The following PHACTR2 variants were observed in gnomAD, a reference collection of about 807,000 sequenced individuals.
PHACTR2 encodes phosphatase and actin regulator 2, also known as chromosome 6 open reading frame 56.
A neutral mutation model predicts 76.0 loss-of-function variants in PHACTR2; 30 were observed. The ratio of observed to expected loss-of-function variants is 0.39; its 90% confidence interval spans 0.30 to 0.54. The LOEUF (loss-of-function observed/expected upper bound fraction) is 0.54. Among genes scored for constraint, PHACTR2 ranks in the 20% least tolerant of loss-of-function variants. PHACTR2 has a pLI of 0.61. For synonymous variants in PHACTR2, 292 were observed against 292.5 expected, an observed-to-expected ratio of 1.00 and a Z score of 0.02; for missense variants, 696 against 781.1, an observed-to-expected ratio of 0.89 and a Z score of 1.30.
In PHACTR2 at chr6:143,698,111, T is replaced by C. The variant is rs1026898630; in HGVS notation, c.47-13905T>C. On this transcript the variant is annotated intron_variant, in intron 1 of 12. Transcript: ENST00000440869. The surrounding 1 kb of genome is among the most constrained non-coding windows in gnomAD (Gnocchi z 4.3). Reference sequence around the variant, plus strand: ...TTTCTTCAGACCAGTATTGAAAATCTAAATAAAAATTATATTAGAAAAGGA... The same window carrying C: ...TTTCTTCAGACCAGTATTGAAAATCCAAATAAAAATTATATTAGAAAAGGA... Among the ~76,000 whole-genome samples, 2 of 152,234 alleles carry C rather than the reference T, an allele frequency of 1.3e-5. No homozygotes were observed. Among genetic ancestry groups the C allele is most frequent in the African/African-American group, 4.8e-5 (2 of 41,454 alleles).
rs953475346 is a variant in PHACTR2, at chr6:143,595,813, A to G, written c.217+58606A>G. On this transcript the variant is annotated intron_variant, in intron 1 of 11. Coordinates refer to the PHACTR2 transcript ENST00000367584. The surrounding 1 kb of genome is among the most constrained non-coding windows in gnomAD (Gnocchi z 4.2). ...TTCTACTTAATTTAGCTTTCCAAAG[A>G]TAAACACACTGGTGAATCATTACAT... Among the ~76,000 whole-genome samples the G allele has an allele frequency of 6.6e-6, 1 of 152,256 alleles. No homozygotes were observed. Among genetic ancestry groups the G allele is most frequent in the African/African-American group, 2.4e-5 (1 of 41,470 alleles).
At chr6:143,724,441 C>T (rs976747572) in intron 2 of PHACTR2, among the ~76,000 whole-genome samples, 3 of 152,132 alleles carry the variant, frequency 2.0e-5, no homozygotes, top group African/African-American at 7.2e-5. Flanking sequence ...CTAATTCTTT[C>T]ATTTTTTTCT....
chr6:143,720,701 G>A lies in PHACTR2; in HGVS notation c.214+8518G>A, dbSNP rs539737891. Among the ~76,000 whole-genome samples the A allele has an allele frequency of 1.1e-4, 16 of 152,200 alleles. No homozygotes were observed. In the Middle Eastern group the frequency reaches 0.014, roughly 129 times the overall value. On this transcript the variant is annotated intron_variant, in intron 2 of 12. Transcript: ENST00000440869. ...ATCATGGCTCACTGAAGGCTTGACC[G>A]CCTGGGCTCAAGCAATCCTCCCACC...
chr6:143,766,914 TG>T (rs1340581418), intron 6 of PHACTR2, among the ~76,000 whole-genome samples: 1 of 152,224 alleles, frequency 6.6e-6, no homozygotes, highest in Non-Finnish European at 1.5e-5. Context: ...TTAGAGCTCT[TG>T]CATCCTGGCT....
intron 2 of PHACTR2, among the ~76,000 whole-genome samples, chr6:143,740,508 T>TA (rs10638908): frequency 0.028 from 3,605 of 128,668 alleles, 74 homozygotes; most frequent in African/African-American, 0.058. Context: ...TCCTTTTAAT[T>TA]AAAAAAAAAA....
In PHACTR2 at chr6:143,622,837, A is replaced by G. The variant is rs575915678; in HGVS notation, c.13+14515A>G. On this transcript the variant is annotated intron_variant, in intron 1 of 11. Coordinates refer to the PHACTR2 transcript ENST00000305766. ...TAGAACATGTAATAATTACAGTAACAAGTGTATTGAATTTGATTATCTCAT... is the reference window on the plus strand; with the variant it reads ...TAGAACATGTAATAATTACAGTAACGAGTGTATTGAATTTGATTATCTCAT... Among the ~76,000 whole-genome samples, 121 of 152,320 alleles carry G rather than the reference A, an allele frequency of 7.9e-4. 1 individual carries two copies. Among genetic ancestry groups the G allele is most frequent in the Non-Finnish European group, 1.5e-3 (99 of 68,014 alleles).
intron 2 of PHACTR2, among the ~76,000 whole-genome samples, chr6:143,713,213 C>T (rs1460983434): frequency 1.3e-5 from 2 of 152,004 alleles, no homozygotes; most frequent in Admixed American, 1.3e-4. Context: ...CATCAAAGCT[C>T]CCCAAAAAAG....
At chr6:143,729,897 G>T (rs1778662911) in intron 2 of PHACTR2, among the ~76,000 whole-genome samples, 1 of 151,766 alleles carries the variant, frequency 6.6e-6, no homozygotes, top group African/African-American at 2.4e-5. Flanking sequence ...TCATGCTTTT[G>T]GTGTCATGTG....
chr6:143,712,651 A>G (rs1778204060), intron 2 of PHACTR2, among the ~76,000 whole-genome samples: 1 of 152,096 alleles, frequency 6.6e-6, no homozygotes, highest in Admixed American at 6.6e-5. Flanking sequence ...TCGTTAATTA[A>G]AACTTTTTTA....
intron 9 of PHACTR2, among the ~76,000 whole-genome samples, chr6:143,778,949 T>C (rs1337937871): frequency 3.3e-5 from 5 of 152,226 alleles, no homozygotes; most frequent in Non-Finnish European, 7.3e-5. Context: ...TTATATCCCA[T>C]TTTCCTGGAG....
chr6:143,810,267 C>T lies in PHACTR2; in HGVS notation c.1922+3134C>T, dbSNP rs969892797. Among the ~76,000 whole-genome samples, 7 of 152,220 alleles carry T rather than the reference C, an allele frequency of 4.6e-5. No individual in the cohort carries two copies. The South Asian group carries it at 1.5e-3, about 32-fold the overall frequency. ...CATTATTAAAACAATGTTGCCTTGA[C>T]TTTCTTTATGCATATATCTTTGTGC... On this transcript the variant is annotated intron_variant, in intron 12 of 12. Coordinates refer to ENST00000440869, the MANE Select transcript of PHACTR2 (RefSeq NM_001100164.2).
At chr6:143,681,836 G>A (rs574732422) in intron 1 of PHACTR2, among the ~76,000 whole-genome samples, 11 of 152,276 alleles carry the variant, frequency 7.2e-5, no homozygotes, top group Non-Finnish European at 1.2e-4. Context: ...TGAAATGACC[G>A]TTCTTTCCCC....
rs114760770 is a variant in PHACTR2 at position 143,583,513 on chromosome 6, T to C, written c.217+46306T>C. On this transcript the variant is annotated intron_variant, in intron 1 of 11. Coordinates refer to the PHACTR2 transcript ENST00000367584. This position sits in a 1 kb window ranked among gnomAD's most constrained non-coding sequence, Gnocchi z 4.0. ...TCTGACAAGAATTTGAAAAAGGGTG[T>C]ATAGAATACAAATACTGTTGAATGG... is the stretch of plus-strand genomic sequence containing the variant. Among the ~76,000 whole-genome samples the C allele has an allele frequency of 0.012, 1,851 of 152,364 alleles. 41 individuals are homozygous for C. Among genetic ancestry groups the C allele is most frequent in the African/African-American group, 0.04 (1,644 of 41,584 alleles).
Position 143,597,883 on chromosome 6 carries a change from T to C in PHACTR2, c.217+60676T>C, listed in dbSNP as rs1775771442. ...TTACCTGCTCAAAGCCCATTGCTGGTGCCCTTCCTGATGCTCCTCCTACCA... is the reference window on the plus strand; with the variant it reads ...TTACCTGCTCAAAGCCCATTGCTGGCGCCCTTCCTGATGCTCCTCCTACCA... On this transcript the variant is annotated intron_variant, in intron 1 of 11. Coordinates refer to the PHACTR2 transcript ENST00000367584. This position sits in a 1 kb window ranked among gnomAD's most constrained non-coding sequence, Gnocchi z 5.7. 6.6e-6 allele frequency among the ~76,000 whole-genome samples: 1 copy of C among 152,216 alleles called. No homozygotes were observed. The highest frequency in any genetic ancestry group is 2.4e-5 in the African/African-American group (1 of 41,454).
Position 143,783,988 on chromosome 6 carries a change from C to CA in PHACTR2, c.1707+717dup, listed in dbSNP as rs542525386. Among the ~76,000 whole-genome samples the CA allele has an allele frequency of 8.5e-5, 8 of 93,950 alleles. No individual in the cohort carries two copies. The highest frequency in any genetic ancestry group is 5.7e-4 in the East Asian group (2 of 3,484). 61.6% of individuals were successfully genotyped at this position (93,950 alleles called of 152,430 possible). A position where few individuals can be genotyped will look rare whatever the true frequency, so the allele number is the denominator to read the frequency against. On this transcript the variant is annotated intron_variant, in intron 10 of 12. Coordinates refer to ENST00000440869, the MANE Select transcript of PHACTR2 (RefSeq NM_001100164.2). The surrounding 1 kb of genome is among the most constrained non-coding windows in gnomAD (Gnocchi z 5.2). Reference sequence around the variant, plus strand: ...TGGACAACATAGTGAGACCTTGTTTCAAAAAAAAAGAATTAATTGAAAATT... The same window carrying CA: ...TGGACAACATAGTGAGACCTTGTTTCAAAAAAAAAAGAATTAATTGAAAATT...
chr6:143,582,672 C>T (rs1268819594), intron 1 of PHACTR2, among the ~76,000 whole-genome samples: 2 of 151,308 alleles, frequency 1.3e-5, no homozygotes, highest in Non-Finnish European at 2.9e-5. Context: ...TATTTGTAAA[C>T]AGTTTTAATG....
In PHACTR2 at chr6:143,803,272, T is replaced by C. The variant is rs1172906550; in HGVS notation, c.1846-3785T>C. Among the ~76,000 whole-genome samples, 3 of 152,192 alleles carry C rather than the reference T, an allele frequency of 2.0e-5. No individual in the cohort carries two copies. Among genetic ancestry groups the C allele is most frequent in the Non-Finnish European group, 4.4e-5 (3 of 68,028 alleles). On this transcript the variant is annotated intron_variant, in intron 11 of 12. Coordinates refer to ENST00000440869, the MANE Select transcript of PHACTR2 (RefSeq NM_001100164.2). This position sits in a 1 kb window ranked among gnomAD's most constrained non-coding sequence, Gnocchi z 4.7. Reference sequence around the variant, plus strand: ...AATGTGAAAATAAAATAGAGGCCGATTGCAGTGGCTCACGCCTGTAGTTCC... The same window carrying C: ...AATGTGAAAATAAAATAGAGGCCGACTGCAGTGGCTCACGCCTGTAGTTCC...
At chr6:143,714,693 C>A (rs960036562) in intron 2 of PHACTR2, among the ~76,000 whole-genome samples, 16 of 152,178 alleles carry the variant, frequency 1.1e-4, no homozygotes, top group African/African-American at 3.6e-4. Flanking sequence ...GAGAATAGAT[C>A]TCTTTTCCGT....
In PHACTR2 at chr6:143,554,155, G is replaced by A. The variant is rs997714747; in HGVS notation, c.217+16948G>A. On this transcript the variant is annotated intron_variant, in intron 1 of 11. Transcript: ENST00000367584. The surrounding 1 kb of genome is among the most constrained non-coding windows in gnomAD (Gnocchi z 5.9). ...CATTCATATCAATATCAACTTAGGA[G>A]TGAATCCACAGTATGCAGGGCTATG... is the stretch of plus-strand genomic sequence containing the variant. 2.6e-5 allele frequency among the ~76,000 whole-genome samples: 4 copies of A among 152,192 alleles called. No homozygotes were observed. Among genetic ancestry groups the A allele is most frequent in the Non-Finnish European group, 4.4e-5 (3 of 68,040 alleles).
Sources: allele counts gnomAD v4.1 joint callset (sites outside exome capture counted in the v4.1 genomes callset), GRCh38; gene constraint gnomAD v4.1.1; non-coding constraint Gnocchi (gnomAD v3.1); transcripts MANE v1.5; gene names NCBI Gene and HGNC (gene_info 2026-07-23, HGNC 2026-07-21).